Variants in SYT1 observed in about 807,000 individuals in gnomAD.
The protein encoded by SYT1 is synaptotagmin-1.
A neutral mutation model predicts 44.8 loss-of-function variants in SYT1; 8 were observed. The observed-to-expected ratio is 0.18, with a 90% confidence interval of 0.10 to 0.32. The LOEUF is 0.32. SYT1 is among the 10% of genes least tolerant of loss of function. SYT1 has a pLI of 1.00. For missense variants in SYT1, 286 were observed against 509.3 expected, an observed-to-expected ratio of 0.56 and a Z score of 4.22; for synonymous variants, 154 against 188.8, an observed-to-expected ratio of 0.82 and a Z score of 1.51.
At chr12:79,414,052 C>T (rs1202327501) in intron 9 of SYT1, among the ~76,000 whole-genome samples, 1 of 152,192 alleles carries the variant, frequency 6.6e-6, no homozygotes, top group Non-Finnish European at 1.5e-5. Flanking sequence ...TAACACAGAA[C>T]ACCATGCCCA....
intron 1 of SYT1, among the ~76,000 whole-genome samples, chr12:78,942,734 G>A (rs1461022915): frequency 3.3e-5 from 5 of 152,164 alleles, no homozygotes; most frequent in East Asian, 1.9e-4. Flanking sequence ...CTCGCCATCC[G>A]TATGAACAAC....
intron 3 of SYT1, among the ~76,000 whole-genome samples, chr12:79,115,457 T>A (rs1372149758): frequency 1.3e-5 from 2 of 152,218 alleles, no homozygotes. Context: ...ATCTGAGCAA[T>A]ACATAAACAA....
intron 3 of SYT1, among the ~76,000 whole-genome samples, chr12:79,052,041 A>G (rs1022199134): frequency 1.3e-5 from 2 of 152,022 alleles, no homozygotes; most frequent in Admixed American, 6.6e-5. Flanking sequence ...GAACTTTAAA[A>G]TAGTTTTTTC....
At chr12:79,180,789 C>A (rs137959260) in intron 3 of SYT1, among the ~76,000 whole-genome samples, 2 of 152,110 alleles carry the variant, frequency 1.3e-5, no homozygotes, top group East Asian at 3.9e-4. Flanking sequence ...TCCCAGCAGG[C>A]CCCACCTCCA....
intron 9 of SYT1, among the ~76,000 whole-genome samples, chr12:79,419,573 C>T (rs962348194): frequency 6.6e-6 from 1 of 152,122 alleles, no homozygotes; most frequent in East Asian, 1.9e-4. Context: ...ATCTACATGG[C>T]AAGTGCTTCA....
chr12:79,076,344 T>C (rs1454174030), intron 3 of SYT1, among the ~76,000 whole-genome samples: 2 of 152,274 alleles, frequency 1.3e-5, no homozygotes, highest in East Asian at 3.9e-4. Flanking sequence ...TTGCTTCTGT[T>C]GTTTCCTCAA....
At chr12:78,922,174 C>G (rs1877045243) in intron 1 of SYT1, among the ~76,000 whole-genome samples, 1 of 151,862 alleles carries the variant, frequency 6.6e-6, no homozygotes, top group African/African-American at 2.4e-5. Context: ...GTTTGAAGAA[C>G]TTGAACTGGA....
At chr12:79,242,066 C>T (rs1257450304) in intron 4 of SYT1, among the ~76,000 whole-genome samples, 1 of 152,190 alleles carries the variant, frequency 6.6e-6, no homozygotes, top group African/African-American at 2.4e-5. Flanking sequence ...TATGGCCTTC[C>T]AATACTTTGA....
chr12:79,387,571 A>G (rs1004787177), intron 9 of SYT1, among the ~76,000 whole-genome samples: 3 of 152,242 alleles, frequency 2.0e-5, no homozygotes, highest in African/African-American at 7.2e-5. Flanking sequence ...CACTGTAAAG[A>G]ATATAAAAAT....
chr12:78,916,629 A>G (rs192773006), intron 1 of SYT1, among the ~76,000 whole-genome samples: 5 of 152,066 alleles, frequency 3.3e-5, no homozygotes, highest in Non-Finnish European at 7.4e-5. Flanking sequence ...TCCTTTATTT[A>G]TAAAGGACTT....
intron 9 of SYT1, among the ~76,000 whole-genome samples, chr12:79,404,641 G>T (rs1329189676): frequency 6.6e-6 from 1 of 152,168 alleles, no homozygotes; most frequent in Non-Finnish European, 1.5e-5. Flanking sequence ...CATCCAGGAA[G>T]CTTACGTGAC....
chr12:79,030,080 T>C (rs2137666884), intron 2 of SYT1, among the ~76,000 whole-genome samples: 1 of 151,328 alleles, frequency 6.6e-6, no homozygotes, highest in East Asian at 1.9e-4. Flanking sequence ...AAATTCTACA[T>C]ACTTCATAAT....
At chr12:79,083,760 A>G (rs1047729816) in intron 3 of SYT1, among the ~76,000 whole-genome samples, 1 of 152,152 alleles carries the variant, frequency 6.6e-6, no homozygotes, top group Non-Finnish European at 1.5e-5. Context: ...AAATGATTGC[A>G]TTTGAGAAGG....
intron 10 of SYT1, among the ~76,000 whole-genome samples, chr12:79,446,034 T>TATACATATATATATATATGTATATATA (rs1491131045): frequency 8.7e-6 from 1 of 115,540 alleles, no homozygotes; most frequent in African/African-American, 3.4e-5. Context: ...TATATATATA[T>TATACATATATATATATATGTATATATA]TATGCCTAGG....
At chr12:79,060,888 C>T (rs1330079009) in intron 3 of SYT1, among the ~76,000 whole-genome samples, 1 of 148,442 alleles carries the variant, frequency 6.7e-6, no homozygotes, top group Admixed American at 6.7e-5. Context: ...AGGCAATCAG[C>T]AAAAAAAAAT....
At chr12:78,971,241 C>A (rs1004310330) in intron 1 of SYT1, among the ~76,000 whole-genome samples, 4 of 152,136 alleles carry the variant, frequency 2.6e-5, no homozygotes, top group African/African-American at 9.7e-5. Flanking sequence ...AGATTCCTTT[C>A]TTAACCAAAT....
At chr12:79,111,731 A>C (rs1438219937) in intron 3 of SYT1, among the ~76,000 whole-genome samples, 2 of 151,824 alleles carry the variant, frequency 1.3e-5, no homozygotes, top group Non-Finnish European at 2.9e-5. Flanking sequence ...TAGATTCACA[A>C]ATCCTGCAAA....
rs75980441 is a variant in SYT1, at chr12:79,013,013, C to T, written c.-83-34284C>T. ...CCCTTCTACCTGGAGGTCTGTGCCA[C>T]CTCTGCTTGCTTCCACACCAGCCTA... is the stretch of plus-strand genomic sequence containing the variant. On this transcript the variant is annotated intron_variant, in intron 2 of 10. Transcript: ENST00000261205. Among the ~76,000 whole-genome samples, 324 of 152,146 alleles carry T rather than the reference C, an allele frequency of 2.1e-3. 2 individuals are homozygous for T. The highest frequency in any genetic ancestry group is 7.6e-3 in the African/African-American group (315 of 41,498).
intron 5 of SYT1, chr12:79,291,723 C>T (rs565694524): frequency 5.9e-6 from 3 of 509,874 alleles, no homozygotes; most frequent in East Asian, 5.2e-5. Flanking sequence ...AATACAACAC[C>T]AAGTTGACAC....
Sources: gnomAD v4.1 joint callset for allele counts (sites outside exome capture counted in the v4.1 genomes callset) on GRCh38, gnomAD v4.1.1 for gene constraint, MANE v1.5 for transcripts, NCBI Gene and HGNC (gene_info 2026-07-23, HGNC 2026-07-21) for gene names.